Variants in RFX2 observed in about 807,000 individuals in gnomAD.
RFX2 encodes the protein DNA-binding protein RFX2.
Under a neutral mutation model 87.8 loss-of-function variants are expected in RFX2, and 20 were observed. The observed-to-expected ratio is 0.23, with a 90% CI of 0.16 to 0.33. RFX2 has a LOEUF of 0.33. Ranked by LOEUF, RFX2 falls within the 10% of genes least tolerant of loss-of-function variation. The pLI, the probability that RFX2 is intolerant of heterozygous loss-of-function variation, is 1.00. For synonymous variants in RFX2, 397 were observed against 431.3 expected (o/e 0.92, Z 0.98); for missense variants, 767 against 1,012.3 (o/e 0.76, Z 3.29).
In RFX2 at chr19:6,033,086, A is replaced by C. The variant is rs373832049; in HGVS notation, c.523-6849T>G. 2.1e-4 allele frequency among the ~76,000 whole-genome samples: 32 copies of C among 152,302 alleles called. 1 individual carries two copies. In the East Asian group the frequency reaches 5.8e-3, roughly 28 times the overall value. On this transcript the variant is annotated intron_variant, in intron 5 of 17. Transcript: ENST00000303657. ...ATGACCAGTGTGAGCCACCGCGCCC[A>C]GCAGGACCGATTCTTAGAGCCACTG...
intron 5 of RFX2, among the ~76,000 whole-genome samples, chr19:6,029,689 CAG>C: frequency 6.6e-6 from 1 of 152,258 alleles, no homozygotes; most frequent in South Asian, 2.1e-4. Flanking sequence ...ACCTGGGTGA[CAG>C]AGTGAGATTC....
rs935308484 is a variant in RFX2 at position 6,061,338 on chromosome 19, G to A, written c.-8-13834C>T. 4.6e-5 allele frequency among the ~76,000 whole-genome samples: 7 copies of A among 152,152 alleles called. No individual in the cohort carries two copies. The highest frequency in any genetic ancestry group is 7.3e-5 in the Non-Finnish European group (5 of 68,030). ...AAAAATCCTCCCAAGAATTTTCACC[G>A]CATAGACAGTGTGTGTGCTAAATCA... On this transcript the variant is annotated intron_variant, in intron 1 of 17. Coordinates refer to ENST00000303657, the MANE Select transcript of RFX2 (RefSeq NM_000635.4). This position sits in a 1 kb window ranked among gnomAD's most constrained non-coding sequence, Gnocchi z 5.2.
At chr19:6,065,446 A>G (rs561126110) in intron 1 of RFX2, among the ~76,000 whole-genome samples, 1 of 152,176 alleles carries the variant, frequency 6.6e-6, no homozygotes, top group Non-Finnish European at 1.5e-5. Context: ...GAAGATCGAG[A>G]CCATCCTGGC....
In RFX2 at chr19:5,997,148, C is replaced by T. The variant is rs760625463; in HGVS notation, c.1925G>A (p.Arg642His). 9 of 1,613,512 alleles carry T rather than the reference C, an allele frequency of 5.6e-6. No homozygotes were observed. The highest frequency in any genetic ancestry group is 1.3e-5 in the African/African-American group (1 of 74,942). Residue 642 changes from arginine (R) to histidine (H), a missense_variant, in exon 16 of 18, where the codon CGC becomes CAC. Arg to His is a conservative substitution (Grantham distance 29). Coordinates refer to ENST00000303657, the MANE Select transcript of RFX2 (RefSeq NM_000635.4). The surrounding 1 kb of genome is among the most constrained non-coding windows in gnomAD (Gnocchi z 4.2). The stretch of plus-strand genomic sequence containing the variant: ...GAACATGTACTCGTCGTAGAGCAGG[C>T]GGATGAGGTGGAAGGAGCCGAAGCT... ...AASFGSFHLI[R>H]LLYDEYMFYL...
At chr19:6,036,265 C>T (rs575158508) in intron 5 of RFX2, among the ~76,000 whole-genome samples, 5 of 152,202 alleles carry the variant, frequency 3.3e-5, no homozygotes, top group East Asian at 1.9e-4. Context: ...CTAATGGCAC[C>T]GAGGCACTAA....
At chr19:6,085,603 GT>G (rs1471502937) in intron 1 of RFX2, among the ~76,000 whole-genome samples, 1 of 152,172 alleles carries the variant, frequency 6.6e-6, no homozygotes, top group African/African-American at 2.4e-5. Context: ...ATGCACAAAA[GT>G]TTTGAACGCT....
intron 1 of RFX2, among the ~76,000 whole-genome samples, chr19:6,084,463 T>TC (rs1379813722): frequency 6.6e-6 from 1 of 152,104 alleles, no homozygotes; most frequent in Non-Finnish European, 1.5e-5. Context: ...TCCATCCATC[T>TC]CCAGAACATT....
chr19:6,034,069 ATTT>A (rs1426675095), intron 5 of RFX2, among the ~76,000 whole-genome samples: 2 of 151,930 alleles, frequency 1.3e-5, no homozygotes, highest in Non-Finnish European at 2.9e-5. Flanking sequence ...CAAGTGATTT[ATTT>A]TTATTTATTT....
intron 1 of RFX2, among the ~76,000 whole-genome samples, chr19:6,091,935 A>C (rs1380485502): frequency 6.6e-6 from 1 of 152,240 alleles, no homozygotes; most frequent in African/African-American, 2.4e-5. Flanking sequence ...AGAATTGTAG[A>C]CTTTCTGGGC....
At chr19:6,088,751 A>C (rs1305571929) in intron 1 of RFX2, among the ~76,000 whole-genome samples, 1 of 152,232 alleles carries the variant, frequency 6.6e-6, no homozygotes, top group African/African-American at 2.4e-5. Flanking sequence ...AGTACTAGTC[A>C]CATATAGCCA....
At chr19:6,081,421 G>C (rs959507286) in intron 1 of RFX2, among the ~76,000 whole-genome samples, 2 of 152,166 alleles carry the variant, frequency 1.3e-5, no homozygotes, top group African/African-American at 4.8e-5. Context: ...AACAAACCAA[G>C]TAACACTAAG....
rs73547564 is a variant in RFX2 at position 6,024,577 on chromosome 19, G to A, written c.597+1586C>T. On this transcript the variant is annotated intron_variant, in intron 6 of 17. Coordinates refer to ENST00000303657, the MANE Select transcript of RFX2 (RefSeq NM_000635.4). The surrounding 1 kb of genome is among the most constrained non-coding windows in gnomAD (Gnocchi z 5.0). ...CCTCGTCAGGGGCTGCGGTGAGCAG[G>A]TGACCACACCTGTACCTAACCCATA... 0.14 allele frequency among the ~76,000 whole-genome samples: 21,344 copies of A among 152,214 alleles called. 4,665 individuals carry two copies. The highest frequency in any genetic ancestry group is 0.47 in the African/African-American group (19,335 of 41,470).
chr19:6,001,939 T>C lies in RFX2; in HGVS notation c.1735A>G (p.Ser579Gly). 1 of 1,612,840 alleles carries C rather than the reference T, an allele frequency of 6.2e-7. No homozygotes were observed. The highest frequency in any genetic ancestry group is 1.1e-5 in the South Asian group (1 of 91,052). ...QDFKLTLQQQSSLDQWASWLD... is the reference protein window; with the variant it reads ...QDFKLTLQQQGSLDQWASWLD... ...CAGCTGGCCCACTGGTCCAGGGAGC[T>C]CTGCTGCTGCAGGGTCAGCTTGAAA... Residue 579 changes from serine to glycine, a missense_variant, in exon 15 of 18, where the codon AGC becomes GGC. Transcript: ENST00000303657. This position sits in a 1 kb window ranked among gnomAD's most constrained non-coding sequence, Gnocchi z 5.6.
chr19:6,002,957 C>T lies in RFX2; in HGVS notation c.1501-87G>A. On this transcript the variant is annotated intron_variant, in intron 13 of 17. Coordinates refer to ENST00000303657, the MANE Select transcript of RFX2 (RefSeq NM_000635.4). This position sits in a 1 kb window ranked among gnomAD's most constrained non-coding sequence, Gnocchi z 6.7. Reference sequence around the variant, plus strand: ...TTGCAGGGGTGTGTGGGCTCAGGGACAACACAGGGAGGAGGGAGCAGGAAA... The same window carrying T: ...TTGCAGGGGTGTGTGGGCTCAGGGATAACACAGGGAGGAGGGAGCAGGAAA... 5 of 1,453,878 alleles carry T rather than the reference C, an allele frequency of 3.4e-6. No individual in the cohort carries two copies. The East Asian group carries it at 7.3e-5, about 21-fold the overall frequency. The allele number at this position is 1,453,878 out of a possible 1,614,324, so 90.1% of individuals were successfully genotyped here.
rs2086657103 is a variant in RFX2, at chr19:6,011,336, T to A, written c.900-1085A>T. 6.6e-6 allele frequency among the ~76,000 whole-genome samples: 1 copy of A among 152,034 alleles called. No homozygotes were observed. Among genetic ancestry groups the A allele is most frequent in the East Asian group, 1.9e-4 (1 of 5,170 alleles). On this transcript the variant is annotated intron_variant, in intron 8 of 17. Transcript: ENST00000303657. The surrounding 1 kb of genome is among the most constrained non-coding windows in gnomAD (Gnocchi z 4.8). The stretch of plus-strand genomic sequence containing the variant: ...CCTCAGGGCCCGGTGTGTGGTGTGG[T>A]GGGGGCAGGGAGGGAGCCGGCTTGA...
At chr19:6,005,726 G>T (rs935133111) in intron 12 of RFX2, among the ~76,000 whole-genome samples, 3 of 152,228 alleles carry the variant, frequency 2.0e-5, no homozygotes, top group Admixed American at 6.5e-5. Context: ...CTGGCTGGGG[G>T]TTAAAGGTCA....
chr19:6,066,986 G>A (rs2144821814), intron 1 of RFX2, among the ~76,000 whole-genome samples: 1 of 152,224 alleles, frequency 6.6e-6, no homozygotes, highest in Non-Finnish European at 1.5e-5. Flanking sequence ...TAAGAGAAAG[G>A]CAAATAATCT....
intron 3 of RFX2, among the ~76,000 whole-genome samples, chr19:6,043,275 G>C (rs1030206421): frequency 1.3e-5 from 2 of 152,212 alleles, no homozygotes; most frequent in African/African-American, 4.8e-5. Flanking sequence ...AGAGCCACTG[G>C]CCTGAGGCCC....
In RFX2 at chr19:6,002,899, G is replaced by A; in HGVS notation, c.1501-29C>T. On this transcript the variant is annotated intron_variant, in intron 13 of 17. Transcript: ENST00000303657. The surrounding 1 kb of genome is among the most constrained non-coding windows in gnomAD (Gnocchi z 6.7). ...TAAGCCAGGGCTCGTGGTGAGCAGG[G>A]GTTCGCAGGGAGAGCCTGTTCCGCT... 1.3e-6 allele frequency: 2 copies of A among 1,586,440 alleles called. No individual in the cohort carries two copies. The highest frequency in any genetic ancestry group is 1.7e-6 in the Non-Finnish European group (2 of 1,170,834).
Sources: gnomAD v4.1 joint callset for allele counts (sites outside exome capture counted in the v4.1 genomes callset) on GRCh38, gnomAD v4.1.1 for gene constraint, Gnocchi (gnomAD v3.1) non-coding constraint, MANE v1.5 for transcripts, NCBI Gene and HGNC (gene_info 2026-07-23, HGNC 2026-07-21) for gene names.